The following EDEM3 variants were observed in gnomAD, a reference collection of about 807,000 sequenced individuals.
The protein encoded by EDEM3 is ER degradation-enhancing alpha-mannosidase-like protein 3.
EDEM3 carries 60 observed loss-of-function variants against 110.2 expected under a neutral mutation model. The ratio of observed to expected loss-of-function variants is 0.54; its 90% CI spans 0.44 to 0.67. The LOEUF is 0.67. Among genes scored for constraint, EDEM3 ranks in the 30% least tolerant of loss-of-function variants. The pLI, the probability that EDEM3 is intolerant of heterozygous loss-of-function variation, is 0.00. For synonymous variants in EDEM3, 352 were observed against 382.9 expected (o/e 0.92, Z 0.94); for missense variants, 996 against 1,121.0 (o/e 0.89, Z 1.59).
intron 19 of EDEM3, 28 bp downstream of exon 19, chr1:184,702,782 TA>T (rs768724066): frequency 1.4e-6 from 2 of 1,466,732 alleles, no homozygotes; most frequent in Non-Finnish European, 9.1e-7. Flanking sequence ...TTACGCTGCA[TA>T]AAAAAACAAA....
chr1:184,710,264 T>G, intron 16 of EDEM3, 130 bp downstream of exon 16: 1 of 1,114,028 alleles, frequency 9.0e-7, no homozygotes, highest in East Asian at 2.6e-5. Context: ...AGTCCTAAAA[T>G]TCTCATTCTC....
chr1:184,701,455 T>C (rs1184446939), intron 19 of EDEM3: 1 of 1,193,370 alleles, frequency 8.4e-7, no homozygotes, highest in Non-Finnish European at 1.1e-6. Context: ...CAAATACATA[T>C]ATACGTATAT....
intron 2 of EDEM3, among the ~76,000 whole-genome samples, chr1:184,746,576 CCATTGTCTT>C (rs1652442291): frequency 6.6e-6 from 1 of 152,174 alleles, no homozygotes. Context: ...GGCTGGCAAA[CCATTGTCTT>C]CATTTTGCAG....
chr1:184,734,074 C>A (rs1462972746), intron 5 of EDEM3, among the ~76,000 whole-genome samples: 1 of 152,226 alleles, frequency 6.6e-6, no homozygotes, highest in Non-Finnish European at 1.5e-5. Context: ...ATGCCACAGA[C>A]TCTGTGTTTC....
At chr1:184,736,887 A>T in intron 4 of EDEM3, 138 bp downstream of exon 4, 1 of 674,738 alleles carries the variant, frequency 1.5e-6, no homozygotes, top group South Asian at 2.2e-5. Flanking sequence ...ACAGTGTAAA[A>T]GATTTATTTA....
Position 184,698,967 on chromosome 1 carries a change from CA to C in EDEM3, c.2389+3843del, listed in dbSNP as rs548764455. ...AGAGTTAAAGTCTGCCACATTGCTA[CA>C]AATCTTGATCCTAAGGTGCCTGTTT... is the stretch of plus-strand genomic sequence containing the variant. On this transcript the variant is annotated intron_variant, in intron 19 of 19. Coordinates refer to ENST00000318130, the MANE Select transcript of EDEM3 (RefSeq NM_025191.4). Among the ~76,000 whole-genome samples the C allele has an allele frequency of 1.1e-3, 163 of 151,904 alleles. 1 individual carries two copies. Among genetic ancestry groups the C allele is most frequent in the African/African-American group, 3.9e-3 (162 of 41,500 alleles).
At chr1:184,737,147 A>G (rs1558066758) in intron 3 of EDEM3, 83 bp from the exon 4 acceptor site, 2 of 1,162,058 alleles carry the variant, frequency 1.7e-6, no homozygotes, top group East Asian at 2.4e-5. Flanking sequence ...TCTACATTCT[A>G]TTGACTGGTA....
At chr1:184,706,274 T>C (rs181588234) in intron 18 of EDEM3, among the ~76,000 whole-genome samples, 205 of 152,250 alleles carry the variant, frequency 1.3e-3, no homozygotes, top group African/African-American at 4.7e-3. Context: ...TGTGGAGTAA[T>C]GGAAATTTTC....
At chr1:184,735,474 C>A (rs997048288) in intron 4 of EDEM3, among the ~76,000 whole-genome samples, 9 of 152,060 alleles carry the variant, frequency 5.9e-5, no homozygotes, top group African/African-American at 1.2e-4. Context: ...TAAATTAAGG[C>A]CGCCCATGAG....
chr1:184,698,870 G>A (rs553720929), intron 19 of EDEM3, among the ~76,000 whole-genome samples: 3 of 151,802 alleles, frequency 2.0e-5, no homozygotes, highest in African/African-American at 4.8e-5. Context: ...AGCTGAAGGA[G>A]CTATAGAACC....
intron 14 of EDEM3, among the ~76,000 whole-genome samples, 167 bp downstream of exon 14, chr1:184,712,266 T>C (rs1650290350): frequency 6.6e-6 from 1 of 152,110 alleles, no homozygotes; most frequent in Non-Finnish European, 1.5e-5. Context: ...TAATGAAATA[T>C]ATAAGTGTAT....
At chr1:184,712,343 T>C in intron 14 of EDEM3, 90 bp downstream of exon 14, 1 of 1,193,690 alleles carries the variant, frequency 8.4e-7, no homozygotes, top group Non-Finnish European at 1.2e-6. Flanking sequence ...CATATATTTA[T>C]TGAATTCTAC....
chr1:184,720,423 C>A (rs928423330), intron 9 of EDEM3: 4 of 151,714 alleles, frequency 2.6e-5, no homozygotes, highest in African/African-American at 7.3e-5. Flanking sequence ...AGATGAGAAA[C>A]AGAGGCAAAT....
rs1315267291 is a variant in EDEM3, at chr1:184,719,519, T to C, written c.1001A>G (p.Asp334Gly). The C allele has an allele frequency of 3.7e-6, 6 of 1,613,920 alleles. No homozygotes were observed. In the African/African-American group the frequency reaches 8.0e-5, roughly 22 times the overall value. Residue 334 changes from aspartate to glycine, a missense_variant, in exon 10 of 20, where the codon GAT becomes GGT. By Grantham distance (94) the Asp-to-Gly change is moderately conservative (BLOSUM62 -1). Transcript: ENST00000318130. ...CAGCATTGGTTTGTGGATATGCACA[T>C]CAAGTAGAAGAGGTGGCTGGCTAAT... ...RYISQPPLLL[D>G]VHIHKPMLNA...
chr1:184,736,936 TA>T, intron 4 of EDEM3, 88 bp downstream of exon 4: 1 of 1,079,346 alleles, frequency 9.3e-7, no homozygotes, highest in East Asian at 2.4e-5. Context: ...TGAAGGCTTC[TA>T]TTTCATACTT....
At chr1:184,708,054 A>C in intron 17 of EDEM3, 99 bp downstream of exon 17, 1 of 1,141,412 alleles carries the variant, frequency 8.8e-7, no homozygotes. Flanking sequence ...CAGTTTTTTA[A>C]ATAAATTAAA....
chr1:184,738,650 G>A (rs374807590), intron 2 of EDEM3, among the ~76,000 whole-genome samples: 1 of 152,134 alleles, frequency 6.6e-6, no homozygotes, highest in Non-Finnish European at 1.5e-5. Context: ...CATAGGAAAT[G>A]ATCAATAGTT....
intron 2 of EDEM3, among the ~76,000 whole-genome samples, chr1:184,742,754 C>T (rs1173854862): frequency 2.0e-5 from 3 of 152,124 alleles, no homozygotes; most frequent in Non-Finnish European, 4.4e-5. Context: ...TGTGTCAATT[C>T]CAACAGAACT....
intron 19 of EDEM3, among the ~76,000 whole-genome samples, chr1:184,700,781 T>A (rs375494045): frequency 6.6e-6 from 1 of 152,020 alleles, no homozygotes; most frequent in Non-Finnish European, 1.5e-5. Context: ...CCTAAGTGAA[T>A]ACATTTGTTG....
Sources: gnomAD v4.1 joint callset for allele counts (sites outside exome capture counted in the v4.1 genomes callset) on GRCh38, gnomAD v4.1.1 for gene constraint, MANE v1.5 for transcripts, NCBI Gene and HGNC (gene_info 2026-07-23, HGNC 2026-07-21) for gene names.